CDH13: variants seen among roughly 807,000 people sequenced by gnomAD.
The protein encoded by CDH13 is cadherin 13, also known as cadherin-13.
CDH13 carries 24 observed loss-of-function variants against 63.8 expected under a neutral mutation model. That is an observed-to-expected ratio of 0.38 (90% confidence interval 0.27 to 0.53). The LOEUF is 0.53. Among genes scored for constraint, CDH13 ranks in the 20% least tolerant of loss-of-function variants. The pLI is 0.85. For synonymous variants in CDH13, 503 were observed against 355.3 expected, an observed-to-expected ratio of 1.42 and a Z score of -4.67; for missense variants, 1,049 against 903.1, an observed-to-expected ratio of 1.16 and a Z score of -2.07.
At chr16:83,729,942 C>G (rs1910853668) in intron 10 of CDH13, among the ~76,000 whole-genome samples, 2 of 152,208 alleles carry the variant, frequency 1.3e-5, no homozygotes. Context: ...GCTGACCTGG[C>G]CATTGCCAAG....
intron 1 of CDH13, among the ~76,000 whole-genome samples, chr16:82,848,754 A>G (rs147113154): frequency 1.4e-4 from 21 of 152,310 alleles, no homozygotes; most frequent in African/African-American, 4.8e-4. Flanking sequence ...GAATAAGCCT[A>G]CAATAAAGTA....
At chr16:83,036,177 C>G (rs1383918130) in intron 3 of CDH13, among the ~76,000 whole-genome samples, 7 of 125,760 alleles carry the variant, frequency 5.6e-5, no homozygotes, top group African/African-American at 9.3e-5. Flanking sequence ...GAGATAGGGT[C>G]TCAGTCCTGT....
intron 1 of CDH13, among the ~76,000 whole-genome samples, chr16:82,846,229 T>G (rs1008284805): frequency 3.3e-5 from 5 of 152,218 alleles, no homozygotes; most frequent in African/African-American, 1.2e-4. Flanking sequence ...TAATATGTCC[T>G]TGTCTGTGAC....
chr16:83,283,450 G>A (rs554941023), intron 5 of CDH13, among the ~76,000 whole-genome samples: 2 of 152,284 alleles, frequency 1.3e-5, no homozygotes, highest in South Asian at 2.1e-4. Context: ...AATTAGCTGG[G>A]CGTGGTGGTG....
At chr16:83,080,876 T>G (rs1207389153) in intron 3 of CDH13, among the ~76,000 whole-genome samples, 5 of 94,728 alleles carry the variant, frequency 5.3e-5, no homozygotes, top group African/African-American at 2.1e-4. Context: ...TTTGTGTTTT[T>G]TTTTTTTTTT....
chr16:83,063,533 A>G (rs1289194500), intron 3 of CDH13, among the ~76,000 whole-genome samples: 1 of 152,236 alleles, frequency 6.6e-6, no homozygotes, highest in African/African-American at 2.4e-5. Context: ...ATAGCAATAG[A>G]GATGGACAGA....
chr16:82,956,546 C>T lies in CDH13; in HGVS notation c.158-75464C>T, dbSNP rs112668154. ...TTTCAAGCTCAGGTATATCCTGCCA[C>T]ACCCTTTGGAACTCCTCTTGGATCA... On this transcript the variant is annotated intron_variant, in intron 2 of 13. Transcript: ENST00000567109. Among the ~76,000 whole-genome samples the T allele has an allele frequency of 6.6e-5, 10 of 152,280 alleles. 2 individuals carry two copies. The highest frequency in any genetic ancestry group is 2.4e-4 in the African/African-American group (10 of 41,572).
At chr16:83,692,915 C>A (rs1457791867) in intron 10 of CDH13, among the ~76,000 whole-genome samples, 1 of 152,102 alleles carries the variant, frequency 6.6e-6, no homozygotes, top group Non-Finnish European at 1.5e-5. Flanking sequence ...AACCCCGCCT[C>A]TACTAAAAAA....
At chr16:83,475,478 A>C (rs1215742627) in intron 6 of CDH13, among the ~76,000 whole-genome samples, 2 of 152,200 alleles carry the variant, frequency 1.3e-5, no homozygotes, top group Non-Finnish European at 2.9e-5. Flanking sequence ...AAGTGGACTG[A>C]ATTTGAGTGA....
chr16:82,893,934 C>G (rs988920969), intron 2 of CDH13, among the ~76,000 whole-genome samples: 3 of 152,202 alleles, frequency 2.0e-5, no homozygotes, highest in Non-Finnish European at 4.4e-5. Flanking sequence ...CTTCAGTAAC[C>G]TCCCACATGT....
chr16:83,078,369 G>A (rs377592801), intron 3 of CDH13, among the ~76,000 whole-genome samples: 1 of 152,308 alleles, frequency 6.6e-6, no homozygotes, highest in African/African-American at 2.4e-5. Flanking sequence ...GGGTGAAAGT[G>A]TTCCAGCTCA....
intron 10 of CDH13, 32 bp downstream of exon 10, chr16:83,678,493 A>G (rs752663354): frequency 6.2e-7 from 1 of 1,612,262 alleles, no homozygotes; most frequent in Non-Finnish European, 8.5e-7. Flanking sequence ...CACAGACGGG[A>G]GGTGGGCAGG....
intron 7 of CDH13, among the ~76,000 whole-genome samples, chr16:83,580,464 C>A (rs1266637681): frequency 1.4e-5 from 1 of 69,202 alleles, no homozygotes. Flanking sequence ...CTCTCTCTCT[C>A]TCTCTCTCTC....
At chr16:83,276,588 G>C (rs1352779507) in intron 5 of CDH13, among the ~76,000 whole-genome samples, 1 of 152,052 alleles carries the variant, frequency 6.6e-6, no homozygotes, top group Non-Finnish European at 1.5e-5. Context: ...GTCACATCTT[G>C]GGCCAGGCGT....
intron 2 of CDH13, among the ~76,000 whole-genome samples, chr16:82,968,671 C>A (rs1363191746): frequency 1.3e-5 from 2 of 152,220 alleles, no homozygotes; most frequent in Non-Finnish European, 1.5e-5. Context: ...CCCACCCAGG[C>A]AGGATGAATT....
Position 83,602,457 on chromosome 16 carries a change from C to G in CDH13, c.964C>G (p.Leu322Val). 2.5e-6 allele frequency: 4 copies of G among 1,613,994 alleles called. No individual in the cohort carries two copies. The highest frequency in any genetic ancestry group is 3.4e-6 in the Non-Finnish European group (4 of 1,179,860). ...VSPALLDRET[L>V]ENPKYELIIE... Reference sequence around the variant, plus strand: ...TCTTTGTGCTTGTGCTTTGTAGACTCTGGAAAATCCCAAGTATGAACTGAT... The same window carrying G: ...TCTTTGTGCTTGTGCTTTGTAGACTGTGGAAAATCCCAAGTATGAACTGAT... Residue 322 changes from leucine to valine, a missense_variant, in exon 8 of 14, where the codon CTG becomes GTG. Leu to Val is a conservative substitution (Grantham distance 32, BLOSUM62 1). Coordinates refer to ENST00000567109, the MANE Select transcript of CDH13 (RefSeq NM_001257.5).
intron 1 of CDH13, among the ~76,000 whole-genome samples, chr16:82,658,740 A>C (rs1431133436): frequency 1.3e-5 from 2 of 152,172 alleles, no homozygotes; most frequent in Non-Finnish European, 2.9e-5. Context: ...ACCTCTCTTC[A>C]TTTGAATGTG....
Position 83,280,789 on chromosome 16 carries a change from A to G in CDH13, c.636+63292A>G, listed in dbSNP as rs539722714. Among the ~76,000 whole-genome samples the G allele has an allele frequency of 5.3e-5, 8 of 152,356 alleles. No individual in the cohort carries two copies. In the South Asian group the frequency reaches 1.7e-3, roughly 32 times the overall value. On this transcript the variant is annotated intron_variant, in intron 5 of 13. Coordinates refer to ENST00000567109, the MANE Select transcript of CDH13 (RefSeq NM_001257.5). The stretch of plus-strand genomic sequence containing the variant: ...TGAAAAATAGATGTTGTGTTACCAT[A>G]CACAAAAACATTACTCTTGGACATT...
chr16:83,587,845 T>G (rs75171366), intron 7 of CDH13, among the ~76,000 whole-genome samples: 2,190 of 152,292 alleles, frequency 0.014, 51 homozygotes, highest in African/African-American at 0.05. Context: ...AATAGCAGTT[T>G]CCCAATTTTA....
Sources: gnomAD v4.1 joint callset for allele counts (sites outside exome capture counted in the v4.1 genomes callset) on GRCh38, gnomAD v4.1.1 for gene constraint, MANE v1.5 for transcripts, NCBI Gene and HGNC (gene_info 2026-07-23, HGNC 2026-07-21) for gene names.